The following EXT2 variants were observed in gnomAD, a reference collection of about 807,000 sequenced individuals.
EXT2 encodes the protein exostosin-2.
A neutral mutation model predicts 81.6 loss-of-function variants in EXT2; 53 were observed. The observed-to-expected ratio is 0.65, with a 90% CI of 0.52 to 0.82. The LOEUF (loss-of-function observed/expected upper bound fraction) is 0.82, where lower values mean the gene tolerates loss of function less well. EXT2 is among the 40% of genes least tolerant of loss of function. The pLI is 0.00. For missense variants in EXT2, 774 were observed against 910.2 expected (o/e 0.85, Z 1.93); for synonymous variants, 320 against 340.0 (o/e 0.94, Z 0.65).
chr11:44,126,715 C>G (rs1379396186), intron 5 of EXT2, 101 bp from the exon 6 acceptor site: 1 of 1,490,592 alleles, frequency 6.7e-7, no homozygotes, highest in Admixed American at 1.7e-5. Context: ...CTCAGTATTG[C>G]TTGGCGTCAA....
In EXT2 at chr11:44,241,557, G is replaced by A. The variant is rs369601946; in HGVS notation, c.2019-2592G>A. Among the ~76,000 whole-genome samples the A allele has an allele frequency of 7.9e-5, 12 of 152,338 alleles. No individual in the cohort carries two copies. The East Asian group carries it at 1.9e-3, about 24-fold the overall frequency. ...TGTAGCACAGGGCCTGGGAATGTTA[G>A]TTTCCTTCCCGGTTTCCCCAGTGTT... is the stretch of plus-strand genomic sequence containing the variant. On this transcript the variant is annotated intron_variant, in intron 13 of 13. Transcript: ENST00000533608.
Position 44,161,449 on chromosome 11 carries a change from G to A in EXT2, c.1174-10162G>A, listed in dbSNP as rs957132943. Among the ~76,000 whole-genome samples, 144 of 152,032 alleles carry A rather than the reference G, an allele frequency of 9.5e-4. 1 individual carries two copies. The highest frequency in any genetic ancestry group is 3.3e-3 in the African/African-American group (136 of 41,436). ...TTTGAAGCTGTAGTGTGCAATGATCGTGCCTGTGAATAGCTACTATACTCC... is the reference window on the plus strand; with the variant it reads ...TTTGAAGCTGTAGTGTGCAATGATCATGCCTGTGAATAGCTACTATACTCC... On this transcript the variant is annotated intron_variant, in intron 7 of 13. Coordinates refer to ENST00000533608, the MANE Select transcript of EXT2 (RefSeq NM_207122.2).
At chr11:44,218,920 C>G (rs1449841632) in intron 10 of EXT2, among the ~76,000 whole-genome samples, 1 of 150,314 alleles carries the variant, frequency 6.7e-6, no homozygotes, top group Non-Finnish European at 1.5e-5. Context: ...GCCCCAGCCT[C>G]CCGAGTAGCT....
intron 8 of EXT2, among the ~76,000 whole-genome samples, chr11:44,195,210 GGATC>G (rs1212171998): frequency 5.9e-5 from 9 of 152,204 alleles, no homozygotes; most frequent in Admixed American, 3.3e-4. Flanking sequence ...TGAGGCAGGT[GGATC>G]ACCTGAGGTC....
chr11:44,174,220 T>G (rs1955123065), intron 8 of EXT2, among the ~76,000 whole-genome samples: 1 of 152,182 alleles, frequency 6.6e-6, no homozygotes, highest in Non-Finnish European at 1.5e-5. Flanking sequence ...GTTATCACAT[T>G]GCACTTTTAG....
At chr11:44,118,179 T>C (rs1355966081) in intron 4 of EXT2, among the ~76,000 whole-genome samples, 1 of 152,228 alleles carries the variant, frequency 6.6e-6, no homozygotes, top group Non-Finnish European at 1.5e-5. Context: ...TAGCTGATGC[T>C]GTTTCTTTGA....
At chr11:44,195,074 C>T (rs895107138) in intron 8 of EXT2, among the ~76,000 whole-genome samples, 2 of 152,156 alleles carry the variant, frequency 1.3e-5, no homozygotes, top group Admixed American at 6.5e-5. Flanking sequence ...AATCCAGGCA[C>T]CTTCCTAAGA....
At chr11:44,182,853 A>G (rs1158891995) in intron 8 of EXT2, among the ~76,000 whole-genome samples, 1 of 152,244 alleles carries the variant, frequency 6.6e-6, no homozygotes, top group Non-Finnish European at 1.5e-5. Context: ...CCATTAGAAC[A>G]AAAGAAAATC....
intron 9 of EXT2, among the ~76,000 whole-genome samples, chr11:44,200,077 G>A (rs904297037): frequency 2.0e-5 from 3 of 151,668 alleles, no homozygotes; most frequent in African/African-American, 7.3e-5. Flanking sequence ...TGGTAAATGA[G>A]GCTGTCAGCT....
At chr11:44,116,848 A>T (rs892954800) in intron 4 of EXT2, 2 of 152,298 alleles carry the variant, frequency 1.3e-5, no homozygotes, top group South Asian at 4.1e-4. Flanking sequence ...CCCATTTTAA[A>T]ATTGAATTGT....
At chr11:44,180,148 C>G (rs1190120589) in intron 8 of EXT2, among the ~76,000 whole-genome samples, 1 of 152,132 alleles carries the variant, frequency 6.6e-6, no homozygotes, top group East Asian at 1.9e-4. Context: ...GCTTTTAACT[C>G]TAACTTTTCT....
At chr11:44,223,415 A>G (rs985754904) in intron 10 of EXT2, among the ~76,000 whole-genome samples, 1 of 152,214 alleles carries the variant, frequency 6.6e-6, no homozygotes, top group Non-Finnish European at 1.5e-5. Flanking sequence ...TAAGCAGACT[A>G]TGGCACATGC....
intron 7 of EXT2, among the ~76,000 whole-genome samples, chr11:44,143,611 T>G (rs1329259490): frequency 6.6e-6 from 1 of 152,200 alleles, no homozygotes; most frequent in Non-Finnish European, 1.5e-5. Flanking sequence ...GGGTCTTCCC[T>G]CGGAATCACC....
chr11:44,110,148 C>T (rs1954122919), intron 3 of EXT2, among the ~76,000 whole-genome samples: 1 of 152,124 alleles, frequency 6.6e-6, no homozygotes, highest in Non-Finnish European at 1.5e-5. Flanking sequence ...AAGGTAACAG[C>T]CTGAGGTATT....
At chr11:44,119,353 A>T (rs781605440) in intron 4 of EXT2, among the ~76,000 whole-genome samples, 1 of 151,908 alleles carries the variant, frequency 6.6e-6, no homozygotes, top group African/African-American at 2.4e-5. Context: ...TCAGAGAGGT[A>T]GAAGACGCAT....
intron 1 of EXT2, 76 bp from the exon 2 acceptor site, chr11:44,107,607 A>AT: frequency 1.5e-6 from 2 of 1,357,294 alleles, no homozygotes; most frequent in East Asian, 4.6e-5. Flanking sequence ...ACAAAAAAAA[A>AT]GGTTGAATAG....
chr11:44,231,947 A>T (rs1015860317), intron 10 of EXT2, among the ~76,000 whole-genome samples: 2 of 152,170 alleles, frequency 1.3e-5, no homozygotes, highest in African/African-American at 2.4e-5. Flanking sequence ...GGACTTTATC[A>T]TAAGTTTTCA....
chr11:44,217,195 C>T (rs932924094), intron 10 of EXT2, among the ~76,000 whole-genome samples: 3 of 151,934 alleles, frequency 2.0e-5, no homozygotes, highest in Admixed American at 2.0e-4. Flanking sequence ...GGTTAAGTTA[C>T]TTCTTTGGGG....
chr11:44,101,009 C>T (rs997357792), intron 1 of EXT2, among the ~76,000 whole-genome samples: 1 of 152,180 alleles, frequency 6.6e-6, no homozygotes, highest in Non-Finnish European at 1.5e-5. Context: ...CTTCCACTCC[C>T]CTCAGATCTC....
Sources: allele counts gnomAD v4.1 joint callset (sites outside exome capture counted in the v4.1 genomes callset), GRCh38; gene constraint gnomAD v4.1.1; transcripts MANE v1.5; gene names NCBI Gene and HGNC (gene_info 2026-07-23, HGNC 2026-07-21).